The following CCDC86 variants were observed in gnomAD, a reference collection of about 807,000 sequenced individuals.
CCDC86 encodes coiled-coil domain-containing protein 86.
CCDC86 carries 28 observed loss-of-function variants against 36.7 expected under a neutral mutation model. The observed-to-expected ratio is 0.76, with a 90% CI of 0.57 to 1.05. The LOEUF is 1.05. CCDC86 is among the 50% of genes least tolerant of loss of function. The pLI, the probability that CCDC86 is intolerant of heterozygous loss-of-function variation, is 0.00. For missense variants in CCDC86, 453 were observed against 470.2 expected (o/e 0.96, Z 0.34); for synonymous variants, 199 against 203.4 (o/e 0.98, Z 0.18).
chr11:60,844,865 G>A (rs1051357034), intron 1 of CCDC86, among the ~76,000 whole-genome samples: 5 of 152,228 alleles, frequency 3.3e-5, no homozygotes, highest in Admixed American at 3.3e-4. Flanking sequence ...TCATCAACCA[G>A]TTGCTCAGAT....
rs1228012398 is a variant in CCDC86, at chr11:60,850,971, C to G, written c.*646C>G. On this transcript the variant is annotated 3_prime_UTR_variant, in exon 4 of 4. Coordinates refer to ENST00000227520, the MANE Select transcript of CCDC86 (RefSeq NM_024098.4). ...AAAAATATTTATTGAGTGCCTGTTG[C>G]ATACAGGCACAATCCTAGGCACCGG... is the stretch of plus-strand genomic sequence containing the variant. 1 of 152,308 alleles carries G rather than the reference C, an allele frequency of 6.6e-6. No homozygotes were observed. The highest frequency in any genetic ancestry group is 1.9e-4 in the East Asian group (1 of 5,198). 9.4% of individuals were successfully genotyped at this position (152,308 alleles called of 1,614,324 possible).
Position 60,842,576 on chromosome 11 carries a change from A to G in CCDC86, c.452A>G (p.Gln151Arg), listed in dbSNP as rs757046056. 28 of 1,613,110 alleles carry G rather than the reference A, an allele frequency of 1.7e-5. No homozygotes were observed. Among genetic ancestry groups the G allele is most frequent in the Non-Finnish European group, 2.4e-5 (28 of 1,179,794 alleles). ...NKEELTPGAPQHQLPPVPGSP... is the reference protein window; with the variant it reads ...NKEELTPGAPRHQLPPVPGSP... ...GAGGAGCTGACCCCGGGGGCCCCCC[A>G]GCATCAGCTACCGCCGGTCCCAGGA... Residue 151 changes from glutamine (Q) to arginine (R), a missense_variant, in exon 1 of 4, where the codon CAG becomes CGG. Gln to Arg is a conservative substitution (Grantham distance 43). Coordinates refer to ENST00000227520, the MANE Select transcript of CCDC86 (RefSeq NM_024098.4).
At chr11:60,848,088 A>G (rs745887438) in intron 2 of CCDC86, 35 bp downstream of exon 2, 2 of 1,606,286 alleles carry the variant, frequency 1.2e-6, no homozygotes, top group Non-Finnish European at 8.5e-7. Flanking sequence ...TGGGGCTCAG[A>G]GGACTAAGCT....
chr11:60,850,340 G>A lies in CCDC86; in HGVS notation c.*15G>A, dbSNP rs376394070. Reference sequence around the variant, plus strand: ...CCAAGATCTGAGCTCAGGACGGCCCGAGGCCTTCCATGGCCAACAACCATG... The same window carrying A: ...CCAAGATCTGAGCTCAGGACGGCCCAAGGCCTTCCATGGCCAACAACCATG... On this transcript the variant is annotated 3_prime_UTR_variant, in exon 4 of 4. Coordinates refer to ENST00000227520, the MANE Select transcript of CCDC86 (RefSeq NM_024098.4). The A allele has an allele frequency of 5.6e-5, 91 of 1,611,874 alleles. No homozygotes were observed. Among genetic ancestry groups the A allele is most frequent in the Non-Finnish European group, 6.9e-5 (81 of 1,178,432 alleles).
chr11:60,848,462 G>A (rs1319750239), intron 2 of CCDC86, among the ~76,000 whole-genome samples: 1 of 152,124 alleles, frequency 6.6e-6, no homozygotes, highest in Non-Finnish European at 1.5e-5. Context: ...CGGTATGGCT[G>A]CTGTCATTCT....
At position 60,850,660 on chromosome 11, in the gene CCDC86, C is replaced by T. The variant is rs1855251565; in HGVS notation, c.*335C>T. 4 of 303,864 alleles carry T rather than the reference C, an allele frequency of 1.3e-5. No homozygotes were observed. Among genetic ancestry groups the T allele is most frequent in the Non-Finnish European group, 2.5e-5 (4 of 160,876 alleles). 18.8% of individuals were successfully genotyped at this position (303,864 alleles called of 1,614,324 possible). A position where few individuals can be genotyped will look rare whatever the true frequency, so the allele number is the denominator to read the frequency against. ...GCTGGTGACTGGCAGGTGACTCCCTCAGCAGTGTATGCCCTTTCTCAGCAT... is the reference window on the plus strand; with the variant it reads ...GCTGGTGACTGGCAGGTGACTCCCTTAGCAGTGTATGCCCTTTCTCAGCAT... On this transcript the variant is annotated 3_prime_UTR_variant, in exon 4 of 4. Transcript: ENST00000227520.
Position 60,847,850 on chromosome 11 carries a change from C to A in CCDC86, c.759-74C>A, listed in dbSNP as rs547492816. 130 of 1,485,848 alleles carry A rather than the reference C, an allele frequency of 8.7e-5. No homozygotes were observed. The African/African-American group carries it at 1.3e-3, about 15-fold the overall frequency. 92.0% of individuals were successfully genotyped at this position (1,485,848 alleles called of 1,614,324 possible). On this transcript the variant is annotated intron_variant, in intron 1 of 3. Transcript: ENST00000227520. ...CTCTGGGGAAGAAGGTCCAGAGCCT[C>A]CGGCCGAGAGGAGACAGGGCATGGG...
At chr11:60,846,473 A>G (rs1855183690) in intron 1 of CCDC86, among the ~76,000 whole-genome samples, 2 of 152,114 alleles carry the variant, frequency 1.3e-5, no homozygotes, top group Middle Eastern at 3.2e-3. Flanking sequence ...TCAAGCATAC[A>G]AAGAAAGAGC....
At chr11:60,849,411 T>C (rs1855224821) in intron 2 of CCDC86, among the ~76,000 whole-genome samples, 1 of 152,042 alleles carries the variant, frequency 6.6e-6, no homozygotes, top group Non-Finnish European at 1.5e-5. Flanking sequence ...AGGATCCAGA[T>C]TGAAACCCAG....
chr11:60,844,573 C>G (rs1008771699), intron 1 of CCDC86, among the ~76,000 whole-genome samples: 2 of 152,246 alleles, frequency 1.3e-5, no homozygotes, highest in Non-Finnish European at 2.9e-5. Flanking sequence ...TCAAATGTCA[C>G]CTCCTCTGAA....
intron 2 of CCDC86, among the ~76,000 whole-genome samples, chr11:60,849,139 T>A (rs1855221757): frequency 6.6e-6 from 1 of 152,124 alleles, no homozygotes; most frequent in South Asian, 2.1e-4. Context: ...TGCAGCAGCC[T>A]TGGAGCTGAC....
Position 60,848,049 on chromosome 11 carries a change from G to T in CCDC86, c.884G>T (p.Arg295Leu). 1.2e-6 allele frequency: 2 copies of T among 1,612,154 alleles called. No individual in the cohort carries two copies. The highest frequency in any genetic ancestry group is 8.5e-7 in the Non-Finnish European group (1 of 1,178,894). ...RHLEEEKERR[R>L]QEKKQRRAEN... ...CTGGAGGAGGAGAAGGAGAGGCGCC[G>T]CCAGGTGAGGGGCCAGCCAGGCTGA... The change falls in exon 2 of 4, where the codon CGC (arginine) becomes CTC (leucine). Residue 295 changes from arginine to leucine, a missense_variant. Transcript: ENST00000227520.
intron 1 of CCDC86, 78 bp downstream of exon 1, chr11:60,842,960 G>T: frequency 6.7e-7 from 1 of 1,490,676 alleles, no homozygotes; most frequent in Non-Finnish European, 8.9e-7. Context: ...CTGCAGCCTG[G>T]AGAATAGCCC....
rs749437981 is a variant in CCDC86 at position 60,847,917 on chromosome 11, C to G, written c.759-7C>G. The G allele has an allele frequency of 6.2e-7, 1 of 1,609,278 alleles. No individual in the cohort carries two copies. The highest frequency in any genetic ancestry group is 8.5e-7 in the Non-Finnish European group (1 of 1,177,082). ...GACCCTGTATGCACCCACTCTCCCC[C>G]TTTCAGATTCTCCCAGATGCTTCAG... On this transcript the variant is annotated splice_polypyrimidine_tract_variant and splice_region_variant and intron_variant, in intron 1 of 3. Transcript: ENST00000227520.
Position 60,847,235 on chromosome 11 carries a change from C to T in CCDC86, c.759-689C>T, listed in dbSNP as rs189303170. On this transcript the variant is annotated intron_variant, in intron 1 of 3. Coordinates refer to ENST00000227520, the MANE Select transcript of CCDC86 (RefSeq NM_024098.4). ...AGTAGCTGGGACTATAGGCATACAC[C>T]ATCACACCCAGCTAATTTTTGTATT... Among the ~76,000 whole-genome samples, 12 of 152,240 alleles carry T rather than the reference C, an allele frequency of 7.9e-5. No individual in the cohort carries two copies. The East Asian group carries it at 9.6e-4, about 12-fold the overall frequency.
At position 60,842,315 on chromosome 11, in the gene CCDC86, A is replaced by G; in HGVS notation, c.191A>G (p.Lys64Arg). 1 of 1,613,746 alleles carries G rather than the reference A, an allele frequency of 6.2e-7. No homozygotes were observed. Among genetic ancestry groups the G allele is most frequent in the Non-Finnish European group, 8.5e-7 (1 of 1,179,940 alleles). ...CTGGGGTCCCCCGAAAGGCCGCCGA[A>G]GACAAGCCCAGGATCACCCCGTCTG... ...AGLGSPERPPKTSPGSPRLQQ... is the reference protein window; with the variant it reads ...AGLGSPERPPRTSPGSPRLQQ... Residue 64 changes from lysine to arginine, a missense_variant, in exon 1 of 4, where the codon AAG becomes AGG. Coordinates refer to ENST00000227520, the MANE Select transcript of CCDC86 (RefSeq NM_024098.4).
chr11:60,843,226 G>C (rs538763290), intron 1 of CCDC86, among the ~76,000 whole-genome samples: 15 of 152,352 alleles, frequency 9.8e-5, no homozygotes, highest in Non-Finnish European at 1.8e-4. Flanking sequence ...GCCATTACTT[G>C]ATCAAAGCAG....
At chr11:60,846,183 C>T (rs373977631) in intron 1 of CCDC86, among the ~76,000 whole-genome samples, 2 of 152,056 alleles carry the variant, frequency 1.3e-5, no homozygotes, top group East Asian at 3.9e-4. Flanking sequence ...ACACCTTGTC[C>T]CTTCAGGGTT....
intron 1 of CCDC86, among the ~76,000 whole-genome samples, chr11:60,846,595 A>G (rs1361729774): frequency 6.6e-6 from 1 of 150,802 alleles, no homozygotes; most frequent in Non-Finnish European, 1.5e-5. Flanking sequence ...TTGTTTTGAG[A>G]CGGAGTTTCA....
Sources: allele counts gnomAD v4.1 joint callset (sites outside exome capture counted in the v4.1 genomes callset), GRCh38; gene constraint gnomAD v4.1.1; transcripts MANE v1.5; gene names NCBI Gene and HGNC (gene_info 2026-07-23, HGNC 2026-07-21).